OPCML: variants seen among roughly 807,000 people sequenced by gnomAD.
OPCML encodes the protein opioid-binding protein/cell adhesion molecule.
A neutral mutation model predicts 37.8 loss-of-function variants in OPCML; 13 were observed. The ratio of observed to expected loss-of-function variants is 0.34; its 90% CI spans 0.22 to 0.55. The LOEUF (loss-of-function observed/expected upper bound fraction) is 0.55, where lower values mean the gene tolerates loss of function less well. OPCML is among the 20% of genes least tolerant of loss of function. The pLI is 0.91. For synonymous variants in OPCML, 176 were observed against 168.8 expected (o/e 1.04, Z -0.33); for missense variants, 341 against 435.6 (o/e 0.78, Z 1.93).
chr11:132,630,312 C>T (rs888168921), intron 3 of OPCML, among the ~76,000 whole-genome samples: 2 of 152,174 alleles, frequency 1.3e-5, no homozygotes, highest in Admixed American at 1.3e-4. Context: ...GTAATCCCAG[C>T]ACTTTGGGAG....
intron 1 of OPCML, among the ~76,000 whole-genome samples, chr11:133,036,594 C>T (rs915139868): frequency 1.3e-5 from 2 of 152,178 alleles, no homozygotes; most frequent in Non-Finnish European, 2.9e-5. Context: ...TTGTATTATA[C>T]AATGACCTGG....
intron 1 of OPCML, among the ~76,000 whole-genome samples, chr11:133,218,226 A>G (rs75860193): frequency 0.32 from 48,218 of 151,916 alleles, 8,239 homozygotes; most frequent in African/African-American, 0.41. Context: ...AATCAAGTTA[A>G]GAAGCAGAGC....
At chr11:132,897,706 C>T (rs188007480) in intron 2 of OPCML, among the ~76,000 whole-genome samples, 228 of 152,236 alleles carry the variant, frequency 1.5e-3, no homozygotes, top group South Asian at 2.3e-3. Flanking sequence ...AAATCTCAAG[C>T]GGCAGAATTT....
rs1949809660 is a variant in OPCML, at chr11:133,141,048, C to CGACGAAGACGAAGAA, written c.62-198039_62-198038insTTCTTCGTCTTCGTC. ...ACGACGACGACGACGACGACGACGA[C>CGACGAAGACGAAGAA]GAAGAAGAAGAAGAAGAAGAAGAAG... On this transcript the variant is annotated intron_variant, in intron 1 of 7. Transcript: ENST00000524381. Among the ~76,000 whole-genome samples, 17 of 5,788 alleles carry CGACGAAGACGAAGAA rather than the reference C, an allele frequency of 2.9e-3. 2 individuals are homozygous for CGACGAAGACGAAGAA. Among genetic ancestry groups the CGACGAAGACGAAGAA allele is most frequent in the African/African-American group, 5.5e-3 (17 of 3,106 alleles). The allele number at this position is 5,788 out of a possible 152,430, so 3.8% of individuals were successfully genotyped here.
At chr11:133,093,436 T>A (rs1948945609) in intron 1 of OPCML, among the ~76,000 whole-genome samples, 1 of 152,148 alleles carries the variant, frequency 6.6e-6, no homozygotes, top group Admixed American at 6.6e-5. Context: ...CATTAGGTAT[T>A]TATCCTAATG....
At chr11:133,229,914 G>A (rs919970203) in intron 1 of OPCML, among the ~76,000 whole-genome samples, 8 of 152,144 alleles carry the variant, frequency 5.3e-5, no homozygotes, top group Admixed American at 2.0e-4. Context: ...TACATGTGGC[G>A]TGAATACATC....
chr11:132,623,402 C>T (rs1939545541), intron 3 of OPCML, among the ~76,000 whole-genome samples: 2 of 151,432 alleles, frequency 1.3e-5, no homozygotes, highest in Admixed American at 1.3e-4. Flanking sequence ...TTAATGACTG[C>T]AAAAGCTGTT....
chr11:133,072,206 T>A (rs999083471), intron 1 of OPCML, among the ~76,000 whole-genome samples: 2 of 152,192 alleles, frequency 1.3e-5, no homozygotes, highest in Admixed American at 6.5e-5. Context: ...GATGGGTGCA[T>A]AACCTTGGGA....
chr11:132,835,515 T>C (rs1299723788), intron 2 of OPCML, among the ~76,000 whole-genome samples: 1 of 152,216 alleles, frequency 6.6e-6, no homozygotes, highest in Non-Finnish European at 1.5e-5. Context: ...GGTGACAGTT[T>C]TCTGTTCTCA....
At chr11:132,765,929 G>C (rs1195876981) in intron 2 of OPCML, among the ~76,000 whole-genome samples, 2 of 152,130 alleles carry the variant, frequency 1.3e-5, no homozygotes, top group Admixed American at 1.3e-4. Flanking sequence ...TGTCATGCCA[G>C]AGAGAAAGAA....
intron 1 of OPCML, among the ~76,000 whole-genome samples, chr11:133,254,555 G>A (rs1941249871): frequency 6.6e-6 from 1 of 152,186 alleles, no homozygotes; most frequent in Non-Finnish European, 1.5e-5. Flanking sequence ...CCATTATGAT[G>A]ACTCAGGCCA....
intron 3 of OPCML, among the ~76,000 whole-genome samples, chr11:132,654,339 C>G (rs1941585209): frequency 6.6e-6 from 1 of 152,180 alleles, no homozygotes; most frequent in South Asian, 2.1e-4. Flanking sequence ...GAAGATCTTC[C>G]CAAAGAGAAG....
chr11:132,727,796 T>A (rs930469927), intron 2 of OPCML, among the ~76,000 whole-genome samples: 11 of 152,176 alleles, frequency 7.2e-5, no homozygotes, highest in Non-Finnish European at 1.3e-4. Flanking sequence ...CTGAGGAGGA[T>A]TAGTTCCCTA....
chr11:132,936,067 GC>G (rs1461696417), intron 2 of OPCML, among the ~76,000 whole-genome samples: 2 of 152,180 alleles, frequency 1.3e-5, no homozygotes, highest in East Asian at 3.9e-4. Flanking sequence ...ACCATTTCCA[GC>G]CTCAGAAGGT....
Position 133,211,818 on chromosome 11 carries a change from C to G in OPCML, c.62-268808G>C, listed in dbSNP as rs1353317822. 1.3e-5 allele frequency among the ~76,000 whole-genome samples: 2 copies of G among 152,162 alleles called. No individual in the cohort carries two copies. Among genetic ancestry groups the G allele is most frequent in the Non-Finnish European group, 2.9e-5 (2 of 68,036 alleles). ...CTTACAACAATCCTAATAAAGTAGA[C>G]AGTTAAACCTTCAAGAGTATAAGCA... On this transcript the variant is annotated intron_variant, in intron 1 of 7. Coordinates refer to ENST00000524381, the MANE Select transcript of OPCML (RefSeq NM_001012393.5). The surrounding 1 kb of genome is among the most constrained non-coding windows in gnomAD (Gnocchi z 4.1).
chr11:133,042,054 A>G (rs994766094), intron 1 of OPCML, among the ~76,000 whole-genome samples: 4 of 151,956 alleles, frequency 2.6e-5, no homozygotes, highest in African/African-American at 9.7e-5. Context: ...GGGTGGGGGG[A>G]GCCTGCTTAT....
chr11:132,676,272 A>T (rs1251511183), intron 2 of OPCML, among the ~76,000 whole-genome samples: 3 of 152,176 alleles, frequency 2.0e-5, no homozygotes, highest in Non-Finnish European at 4.4e-5. Flanking sequence ...TCTGTTTCAT[A>T]TCACATACAA....
chr11:132,473,084 G>A (rs2096143112), intron 4 of OPCML, among the ~76,000 whole-genome samples: 1 of 152,132 alleles, frequency 6.6e-6, no homozygotes, highest in Non-Finnish European at 1.5e-5. Context: ...TTTAATGCAC[G>A]GCAATGAAAA....
At chr11:132,838,881 G>T (rs112150840) in intron 2 of OPCML, among the ~76,000 whole-genome samples, 39 of 152,196 alleles carry the variant, frequency 2.6e-4, no homozygotes, top group Non-Finnish European at 4.7e-4. Context: ...CACCCCCGAA[G>T]ATGGGAAACA....
Sources: gnomAD v4.1 joint callset for allele counts (sites outside exome capture counted in the v4.1 genomes callset) on GRCh38, gnomAD v4.1.1 for gene constraint, Gnocchi (gnomAD v3.1) non-coding constraint, MANE v1.5 for transcripts, NCBI Gene and HGNC (gene_info 2026-07-23, HGNC 2026-07-21) for gene names.